The following ARHGEF3 variants were observed in gnomAD, a reference collection of about 807,000 sequenced individuals.
ARHGEF3 encodes the protein Rho guanine nucleotide exchange factor 3, also known as 59.8 kDA protein.
In ARHGEF3, 28 loss-of-function variants were observed where a neutral mutation model predicts 63.2. The observed-to-expected ratio is 0.44, with a 90% CI of 0.33 to 0.61. ARHGEF3 has a LOEUF of 0.61. ARHGEF3 is among the 20% of genes least tolerant of loss of function. ARHGEF3 has a pLI of 0.03. For synonymous variants in ARHGEF3, 266 were observed against 254.2 expected, an observed-to-expected ratio of 1.05 and a Z score of -0.44; for missense variants, 533 against 659.3, an observed-to-expected ratio of 0.81 and a Z score of 2.10.
At chr3:56,989,279 A>T (rs562258667) in intron 2 of ARHGEF3, among the ~76,000 whole-genome samples, 1 of 149,548 alleles carries the variant, frequency 6.7e-6, no homozygotes, top group Non-Finnish European at 1.5e-5. Context: ...ATTTTATTCC[A>T]CTCCTCGCTT....
At chr3:56,964,489 G>T (rs1256220692) in intron 2 of ARHGEF3, among the ~76,000 whole-genome samples, 1 of 152,042 alleles carries the variant, frequency 6.6e-6, no homozygotes, top group African/African-American at 2.4e-5. Context: ...TTGGAGAATG[G>T]GTCTGTACTC....
At chr3:57,022,730 G>T (rs1489797055) in intron 2 of ARHGEF3, among the ~76,000 whole-genome samples, 1 of 151,762 alleles carries the variant, frequency 6.6e-6, no homozygotes, top group African/African-American at 2.4e-5. Context: ...GGAAGCCTAG[G>T]AGGACCCTGT....
intron 1 of ARHGEF3, among the ~76,000 whole-genome samples, chr3:56,787,732 T>G (rs573113377): frequency 4.6e-5 from 7 of 152,066 alleles, no homozygotes; most frequent in African/African-American, 1.2e-4. Flanking sequence ...ATAATAATAA[T>G]AATATAATAG....
At chr3:56,729,688 A>G in intron 9 of ARHGEF3, 66 bp from the exon 10 acceptor site, 1 of 1,277,048 alleles carries the variant, frequency 7.8e-7, no homozygotes, top group South Asian at 1.4e-5. Context: ...CAAAGAGAAC[A>G]CACGTAGTGA....
At chr3:56,801,156 T>A (rs762980911) in intron 1 of ARHGEF3, among the ~76,000 whole-genome samples, 2 of 152,240 alleles carry the variant, frequency 1.3e-5, no homozygotes, top group Non-Finnish European at 2.9e-5. Flanking sequence ...CCCGGCTGAA[T>A]GACCCTCACT....
chr3:56,803,927 C>T (rs544599107), upstream of ARHGEF3, among the ~76,000 whole-genome samples: 1 of 150,514 alleles, frequency 6.6e-6, no homozygotes, highest in Non-Finnish European at 1.5e-5. Flanking sequence ...CTTTGTTGCC[C>T]AGGCTGGAGT....
rs2039407915 is a variant in ARHGEF3 at position 56,844,142 on chromosome 3, CG to C, written c.192+38149del. Among the ~76,000 whole-genome samples the C allele has an allele frequency of 2.6e-5, 4 of 152,266 alleles. No homozygotes were observed. The South Asian group carries it at 8.3e-4, about 32-fold the overall frequency. ...TAAAGCTGCGTGGCAAAGTTCTGCT[CG>C]ACAGTGCAGAATACAAATATGTTTC... On this transcript the variant is annotated intron_variant, in intron 4 of 12. Transcript: ENST00000338458.
At chr3:57,057,710 G>A (rs1355501958) in intron 1 of ARHGEF3, among the ~76,000 whole-genome samples, 1 of 152,166 alleles carries the variant, frequency 6.6e-6, no homozygotes, top group African/African-American at 2.4e-5. Context: ...CATACAATTT[G>A]AGTGGTCAAC....
At chr3:56,958,486 G>A (rs1201873352) in intron 3 of ARHGEF3, among the ~76,000 whole-genome samples, 3 of 150,084 alleles carry the variant, frequency 2.0e-5, no homozygotes, top group African/African-American at 7.3e-5. Context: ...ATGCCACCGT[G>A]CCCAGCTAAT....
chr3:57,015,555 TC>T (rs11347906), intron 2 of ARHGEF3, among the ~76,000 whole-genome samples: 39,366 of 151,194 alleles, frequency 0.26, 5,427 homozygotes, highest in Middle Eastern at 0.3. Context: ...CGCCTCAGCC[TC>T]CTGGGTAGGT....
chr3:56,938,459 T>G (rs1040233875), intron 3 of ARHGEF3, among the ~76,000 whole-genome samples: 2 of 152,162 alleles, frequency 1.3e-5, no homozygotes, highest in Non-Finnish European at 2.9e-5. Flanking sequence ...TATAATTAAG[T>G]GGTTAGTAAG....
At chr3:56,826,705 A>AT (rs1330787980) in intron 4 of ARHGEF3, among the ~76,000 whole-genome samples, 2 of 152,152 alleles carry the variant, frequency 1.3e-5, no homozygotes, top group Non-Finnish European at 2.9e-5. Flanking sequence ...TGAACCTCAC[A>AT]TTTTACACTT....
At chr3:56,878,827 C>T (rs1304315497) in intron 4 of ARHGEF3, among the ~76,000 whole-genome samples, 3 of 152,206 alleles carry the variant, frequency 2.0e-5, no homozygotes, top group Middle Eastern at 3.2e-3. Flanking sequence ...AATCAGGCTG[C>T]ACAGTAACAG....
intron 3 of ARHGEF3, 99 bp downstream of exon 3, chr3:56,754,882 G>T: frequency 1.4e-6 from 2 of 1,476,136 alleles, no homozygotes; most frequent in Non-Finnish European, 1.9e-6. Flanking sequence ...ACGCAATGAA[G>T]AATTGATTTG....
intron 2 of ARHGEF3, among the ~76,000 whole-genome samples, chr3:57,001,436 A>T (rs1427705137): frequency 6.6e-6 from 1 of 152,222 alleles, no homozygotes; most frequent in Non-Finnish European, 1.5e-5. Context: ...GCATGCAGCC[A>T]TTCTTGTTCT....
chr3:56,853,970 T>C (rs1379785577), intron 4 of ARHGEF3, among the ~76,000 whole-genome samples: 1 of 151,478 alleles, frequency 6.6e-6, no homozygotes, highest in Non-Finnish European at 1.5e-5. Flanking sequence ...CCGAGGAGGG[T>C]GGATCACGAG....
chr3:57,039,818 C>G lies in ARHGEF3; in HGVS notation c.-27-4642G>C, dbSNP rs375250308. On this transcript the variant is annotated intron_variant, in intron 1 of 12. Coordinates refer to the ARHGEF3 transcript ENST00000338458. ...GACCCTCCTATAGGAATCCTTGTGA[C>G]TACACTGGCCCCTCAAGGATGATCT... is the stretch of plus-strand genomic sequence containing the variant. Among the ~76,000 whole-genome samples the G allele has an allele frequency of 3.0e-4, 46 of 152,306 alleles. No individual in the cohort carries two copies. The East Asian group carries it at 5.0e-3, about 17-fold the overall frequency.
chr3:56,946,061 G>T (rs896805116), intron 3 of ARHGEF3, among the ~76,000 whole-genome samples: 1 of 152,190 alleles, frequency 6.6e-6, no homozygotes, highest in Non-Finnish European at 1.5e-5. Context: ...ACCCGCAGCT[G>T]AGGGTCCTGA....
chr3:56,967,557 T>C, intron 2 of ARHGEF3, among the ~76,000 whole-genome samples: 1 of 90,422 alleles, frequency 1.1e-5, no homozygotes, highest in Non-Finnish European at 1.9e-5. Context: ...ATGTACATTA[T>C]ATAATATATA....
Sources: allele counts gnomAD v4.1 joint callset (sites outside exome capture counted in the v4.1 genomes callset), GRCh38; gene constraint gnomAD v4.1.1; transcripts MANE v1.5; gene names NCBI Gene and HGNC (gene_info 2026-07-23, HGNC 2026-07-21).